Variants in BAZ2B observed in about 807,000 individuals in gnomAD.
BAZ2B encodes the protein bromodomain adjacent to zinc finger domain 2B, also known as bromodomain adjacent to zinc finger domain protein 2B.
BAZ2B carries 91 observed loss-of-function variants against 246.0 expected under a neutral mutation model. That is an observed-to-expected ratio of 0.37 (90% CI 0.31 to 0.44). The LOEUF (loss-of-function observed/expected upper bound fraction) is 0.44, where lower values mean the gene tolerates loss of function less well. Ranked by LOEUF, BAZ2B falls within the 20% of genes least tolerant of loss-of-function variation. The pLI is 1.00. For synonymous variants in BAZ2B, 855 were observed against 860.0 expected, an observed-to-expected ratio of 0.99 and a Z score of 0.10; for missense variants, 2,332 against 2,533.7, an observed-to-expected ratio of 0.92 and a Z score of 1.71.
At chr2:159,541,204 A>T (rs1185786944) in intron 2 of BAZ2B, among the ~76,000 whole-genome samples, 1 of 152,088 alleles carries the variant, frequency 6.6e-6, no homozygotes, top group Non-Finnish European at 1.5e-5. Context: ...GGTTGTTGAT[A>T]ATTTAAACAT....
chr2:159,700,628 G>C, the BAZ2B span, among the ~76,000 whole-genome samples: 2 of 152,104 alleles, frequency 1.3e-5, no homozygotes, highest in Non-Finnish European at 2.9e-5. Flanking sequence ...GTATTTTTTT[G>C]TAGAGACAGG....
intron 27 of BAZ2B, among the ~76,000 whole-genome samples, chr2:159,353,866 G>A (rs376284997): frequency 2.7e-4 from 41 of 152,104 alleles, no homozygotes; most frequent in African/African-American, 9.9e-4. Flanking sequence ...TGAAAGGATC[G>A]AACTTTTCCA....
At chr2:159,631,174 C>G in the BAZ2B span, among the ~76,000 whole-genome samples, 1 of 151,368 alleles carries the variant, frequency 6.6e-6, no homozygotes, top group Non-Finnish European at 1.5e-5. Context: ...CCAGCCTGGG[C>G]AACAAAGCAA....
intron 1 of BAZ2B, among the ~76,000 whole-genome samples, chr2:159,565,670 C>T (rs760845565): frequency 2.7e-5 from 4 of 150,306 alleles, no homozygotes; most frequent in East Asian, 2.0e-4. Context: ...CCAGCTACTT[C>T]GGAGGCTGAG....
Position 159,573,140 on chromosome 2 carries a change from A to G in BAZ2B, c.-45-17275T>C, listed in dbSNP as rs542034743. On this transcript the variant is annotated intron_variant, in intron 1 of 36. Coordinates refer to ENST00000392783, the MANE Select transcript of BAZ2B (RefSeq NM_013450.4). Reference sequence around the variant, plus strand: ...CCAAAGATTATAAGTGACCTTGAAGAAAGTAATTTCAGATAAAATAGCATG... The same window carrying G: ...CCAAAGATTATAAGTGACCTTGAAGGAAGTAATTTCAGATAAAATAGCATG... Among the ~76,000 whole-genome samples the G allele has an allele frequency of 4.6e-5, 7 of 152,334 alleles. No homozygotes were observed. The South Asian group carries it at 1.4e-3, about 32-fold the overall frequency.
At chr2:159,456,774 G>C (rs2150526083) in intron 3 of BAZ2B, among the ~76,000 whole-genome samples, 1 of 152,242 alleles carries the variant, frequency 6.6e-6, no homozygotes, top group South Asian at 2.1e-4. Flanking sequence ...TTCCTTGCTG[G>C]TGAGAAAAAG....
In BAZ2B at chr2:159,432,938, G is replaced by T. The variant is rs777991167; in HGVS notation, c.1719C>A (p.Asn573Lys). The T allele has an allele frequency of 1.2e-6, 2 of 1,614,064 alleles. No homozygotes were observed. The highest frequency in any genetic ancestry group is 2.2e-5 in the East Asian group (1 of 44,874). ...GGGAGTGATGCTGTGTTTTTACTGGGTTTACATTATTGCTAACTGCTTTTT... is the reference window on the plus strand; with the variant it reads ...GGGAGTGATGCTGTGTTTTTACTGGTTTTACATTATTGCTAACTGCTTTTT... ...GKEKAVSNNV[N>K]PVKTQHHSHP... is the part of the protein sequence containing the mutation. Residue 573 changes from asparagine (N) to lysine (K), a missense_variant, in exon 9 of 37, where the codon AAC becomes AAA. Physicochemically the swap from Asn to Lys is moderately conservative, Grantham distance 94 (BLOSUM62 0). Around this residue, in one of 9 missense-constraint regions of BAZ2B, gnomAD observed 651 missense variants for 650.9 expected, o/e 1.00. Transcript: ENST00000392783.
chr2:159,319,223 A>T lies in BAZ2B; in HGVS notation c.*1042T>A, dbSNP rs1392209077. ...CTGAGGCAAGGCAAATGGGAGGGAA[A>T]TGTTTCTATGAAAAAATACTGTGTG... On this transcript the variant is annotated 3_prime_UTR_variant, in exon 37 of 37. Coordinates refer to ENST00000392783, the MANE Select transcript of BAZ2B (RefSeq NM_013450.4). The surrounding 1 kb of genome is among the most constrained non-coding windows in gnomAD (Gnocchi z 4.0). The T allele has an allele frequency of 1.3e-5, 2 of 152,668 alleles. No individual in the cohort carries two copies. Among genetic ancestry groups the T allele is most frequent in the African/African-American group, 4.8e-5 (2 of 41,464 alleles). 9.5% of individuals were successfully genotyped at this position (152,668 alleles called of 1,614,324 possible). A position where few individuals can be genotyped will look rare whatever the true frequency, so the allele number is the denominator to read the frequency against.
At chr2:159,643,606 G>T in the BAZ2B span, among the ~76,000 whole-genome samples, 1 of 152,084 alleles carries the variant, frequency 6.6e-6, no homozygotes. Flanking sequence ...CTGGTGCGGT[G>T]GCTCATGCCT....
At chr2:159,353,097 T>C (rs2058729929) in intron 27 of BAZ2B, among the ~76,000 whole-genome samples, 2 of 152,238 alleles carry the variant, frequency 1.3e-5, no homozygotes, top group African/African-American at 4.8e-5. Context: ...GTAGCTCATC[T>C]GTAGTTCATT....
chr2:159,322,411 T>C (rs2062827385), intron 36 of BAZ2B, among the ~76,000 whole-genome samples: 1 of 152,152 alleles, frequency 6.6e-6, no homozygotes, highest in South Asian at 2.1e-4. Context: ...TTATTCCCCA[T>C]TCCTCCCTCT....
intron 2 of BAZ2B, among the ~76,000 whole-genome samples, chr2:159,491,795 A>G: frequency 6.6e-6 from 1 of 151,424 alleles, no homozygotes; most frequent in Non-Finnish European, 1.5e-5. Flanking sequence ...CTGATATTCA[A>G]ATTTTTAGCA....
the BAZ2B span, chr2:159,689,242 A>C: frequency 2.0e-3 from 954 of 479,316 alleles, 6 homozygotes; most frequent in Admixed American, 3.3e-3. Context: ...CTGGTGGTTC[A>C]TATCCATCAA....
At chr2:159,514,350 A>G (rs2083231758) in intron 2 of BAZ2B, among the ~76,000 whole-genome samples, 1 of 152,048 alleles carries the variant, frequency 6.6e-6, no homozygotes, top group Admixed American at 6.6e-5. Flanking sequence ...ACTGACCTAT[A>G]TTTTATCAGT....
At chr2:159,329,136 GA>G (rs567964390) in intron 34 of BAZ2B, among the ~76,000 whole-genome samples, 2,841 of 73,428 alleles carry the variant, frequency 0.039, 69 homozygotes, top group African/African-American at 0.11. Flanking sequence ...GTCTTAATAG[GA>G]AAAAAAAAAA....
intron 1 of BAZ2B, among the ~76,000 whole-genome samples, chr2:159,585,814 A>G (rs377175021): frequency 1.3e-5 from 2 of 152,260 alleles, no homozygotes; most frequent in African/African-American, 4.8e-5. Context: ...TGCCAGCCAG[A>G]CTGCTTTCAA....
chr2:159,687,316 C>G, the BAZ2B span, among the ~76,000 whole-genome samples: 1 of 152,088 alleles, frequency 6.6e-6, no homozygotes, highest in African/African-American at 2.4e-5. Flanking sequence ...AGGTGAACAG[C>G]CTCAAGATAG....
At chr2:159,340,625 T>C (rs1203227315) in intron 31 of BAZ2B, among the ~76,000 whole-genome samples, 1 of 151,570 alleles carries the variant, frequency 6.6e-6, no homozygotes. Context: ...GATGATATAT[T>C]CAAAGTAGTG....
chr2:159,389,669 ATTCAAAATTT>A (rs2063094908), intron 20 of BAZ2B, among the ~76,000 whole-genome samples, 184 bp from the exon 21 acceptor site: 1 of 152,168 alleles, frequency 6.6e-6, no homozygotes, highest in Non-Finnish European at 1.5e-5. Context: ...CTATTTTGTT[ATTCAAAATTT>A]GTTCAATCAT....
Sources: gnomAD v4.1 joint callset for allele counts (sites outside exome capture counted in the v4.1 genomes callset) on GRCh38, gnomAD v4.1.1 for gene constraint, gnomAD v4.1.1 regional missense constraint, Gnocchi (gnomAD v3.1) non-coding constraint, MANE v1.5 for transcripts, NCBI Gene and HGNC (gene_info 2026-07-23, HGNC 2026-07-21) for gene names.